MAP2K1: variants seen among roughly 807,000 people sequenced by gnomAD.
MAP2K1 encodes dual specificity mitogen-activated protein kinase kinase 1.
MAP2K1 carries 16 observed loss-of-function variants against 46.3 expected under a neutral mutation model. The ratio of observed to expected loss-of-function variants is 0.35; its 90% CI spans 0.23 to 0.52. MAP2K1 has a LOEUF of 0.52. Ranked by LOEUF, MAP2K1 falls within the 20% of genes least tolerant of loss-of-function variation. The probability of loss-of-function intolerance (pLI) is 0.94; values close to 1 mark genes in which losing one functional copy is unlikely to be tolerated. For missense variants in MAP2K1, 263 were observed against 497.1 expected (o/e 0.53, Z 4.48); for synonymous variants, 183 against 185.6 (o/e 0.99, Z 0.11).
At chr15:66,444,537 G>A (rs547497748) in intron 4 of MAP2K1, 119 bp from the exon 5 acceptor site, 1 of 804,378 alleles carries the variant, frequency 1.2e-6, no homozygotes, top group East Asian at 2.6e-5. Context: ...GCGTCTCAAA[G>A]GAGGAAGGCA....
At chr15:66,400,830 G>A (rs532459952) in intron 1 of MAP2K1, among the ~76,000 whole-genome samples, 21 of 152,332 alleles carry the variant, frequency 1.4e-4, no homozygotes, top group Admixed American at 5.9e-4. Flanking sequence ...CAGGAAGGGA[G>A]TCAGGTTAAG....
intron 1 of MAP2K1, among the ~76,000 whole-genome samples, chr15:66,417,417 C>G (rs148710961): frequency 9.9e-5 from 15 of 152,086 alleles, no homozygotes; most frequent in African/African-American, 3.6e-4. Context: ...CAGAAAATTA[C>G]AAAAATTAGC....
intron 3 of MAP2K1, among the ~76,000 whole-genome samples, chr15:66,442,843 T>G (rs1470649316): frequency 1.3e-5 from 2 of 152,210 alleles, no homozygotes; most frequent in African/African-American, 4.8e-5. Flanking sequence ...TGATCCTATC[T>G]TTGAGTTCGA....
intron 1 of MAP2K1, among the ~76,000 whole-genome samples, chr15:66,420,632 A>T (rs113681746): frequency 5.9e-4 from 88 of 149,012 alleles, no homozygotes; most frequent in Middle Eastern, 3.4e-3. Flanking sequence ...TTTATTTTTC[A>T]AAATAAATTT....
chr15:66,395,948 C>G (rs2093366530), intron 1 of MAP2K1, among the ~76,000 whole-genome samples: 1 of 152,092 alleles, frequency 6.6e-6, no homozygotes, highest in Admixed American at 6.6e-5. Flanking sequence ...GTCTTGTGTA[C>G]TGGTATTTCT....
At chr15:66,480,554 A>C (rs1474326756) in intron 5 of MAP2K1, among the ~76,000 whole-genome samples, 1 of 152,166 alleles carries the variant, frequency 6.6e-6, no homozygotes, top group Non-Finnish European at 1.5e-5. Context: ...TGGGCAATGT[A>C]GTGAGACTCT....
intron 1 of MAP2K1, among the ~76,000 whole-genome samples, chr15:66,397,562 G>A (rs1042949329): frequency 2.6e-5 from 4 of 152,182 alleles, no homozygotes; most frequent in African/African-American, 9.7e-5. Context: ...CTTCTTAGAA[G>A]GCTGAATGGT....
intron 5 of MAP2K1, among the ~76,000 whole-genome samples, chr15:66,469,923 G>GT (rs1372996103): frequency 6.6e-6 from 1 of 151,210 alleles, no homozygotes; most frequent in Non-Finnish European, 1.5e-5. Context: ...AGAACCTTAT[G>GT]TATGGAACTG....
At chr15:66,467,138 G>A (rs1892488245) in intron 5 of MAP2K1, among the ~76,000 whole-genome samples, 5 of 152,016 alleles carry the variant, frequency 3.3e-5, no homozygotes, top group Admixed American at 3.3e-4. Flanking sequence ...AGAGGCTGAG[G>A]TAGGAGAATC....
chr15:66,438,316 T>G (rs1405118904), intron 3 of MAP2K1, among the ~76,000 whole-genome samples: 3 of 152,134 alleles, frequency 2.0e-5, no homozygotes, highest in African/African-American at 7.2e-5. Context: ...CTCGAACTCC[T>G]GACCTCATGA....
rs112508984 is a variant in MAP2K1, at chr15:66,429,518, T to C, written c.81-5509T>C. Among the ~76,000 whole-genome samples, 608 of 152,270 alleles carry C rather than the reference T, an allele frequency of 4.0e-3. 4 individuals carry two copies. Among genetic ancestry groups the C allele is most frequent in the Middle Eastern group, 0.01 (3 of 294 alleles). Reference sequence around the variant, plus strand: ...CCTGGCTTCTTTCACAGAGCACATATACACATTCCTAGAATTTGATTTCCT... The same window carrying C: ...CCTGGCTTCTTTCACAGAGCACATACACACATTCCTAGAATTTGATTTCCT... On this transcript the variant is annotated intron_variant, in intron 1 of 10. Coordinates refer to ENST00000307102, the MANE Select transcript of MAP2K1 (RefSeq NM_002755.4).
rs750310037 is a variant in MAP2K1, at chr15:66,456,826, A to C, written c.568+12119A>C. ...CTAGCAGAAACAGTTGATGCTGGGG[A>C]GGAGTGTATCCCAAATGAAAAGGAG... On this transcript the variant is annotated intron_variant, in intron 5 of 10. Coordinates refer to ENST00000307102, the MANE Select transcript of MAP2K1 (RefSeq NM_002755.4). Among the ~76,000 whole-genome samples, 5 of 152,352 alleles carry C rather than the reference A, an allele frequency of 3.3e-5. No individual in the cohort carries two copies. In the East Asian group the frequency reaches 5.8e-4, roughly 18 times the overall value.
rs1038788277 is a variant in MAP2K1 at position 66,490,908 on chromosome 15, G to A, written c.*293G>A. 1 of 496,964 alleles carries A rather than the reference G, an allele frequency of 2.0e-6. No individual in the cohort carries two copies. Among genetic ancestry groups the A allele is most frequent in the Non-Finnish European group, 3.7e-6 (1 of 270,330 alleles). The allele number at this position is 496,964 out of a possible 1,614,324, so 30.8% of individuals were successfully genotyped here. A position where few individuals can be genotyped will look rare whatever the true frequency, so the allele number is the denominator to read the frequency against. On this transcript the variant is annotated 3_prime_UTR_variant, in exon 11 of 11. Transcript: ENST00000307102. ...ATTACAGTGAAATTTTGGTGAATGT[G>A]GGTAGTCATTCTTACAATTGCACTG...
chr15:66,452,297 A>AAG (rs1555417514), intron 5 of MAP2K1, among the ~76,000 whole-genome samples: 3 of 36,310 alleles, frequency 8.3e-5, no homozygotes, highest in Non-Finnish European at 1.1e-4. Context: ...TAAAAAAAAA[A>AAG]AAAAAAGAAA....
In MAP2K1 at chr15:66,491,121, TTTA is replaced by T. The variant is rs1219938891; in HGVS notation, c.*518_*520del. 4.5e-5 allele frequency: 13 copies of T among 290,596 alleles called. No homozygotes were observed. Among genetic ancestry groups the T allele is most frequent in the East Asian group, 2.6e-4 (5 of 19,128 alleles). The allele number at this position is 290,596 out of a possible 1,614,324, so 18.0% of individuals were successfully genotyped here. On this transcript the variant is annotated 3_prime_UTR_variant, in exon 11 of 11. Transcript: ENST00000307102. ...CATCAGAGAGTGTACATCATGTTAT[TTTA>T]TTATTATTATTTGCTTTTCATGTAG...
chr15:66,428,075 C>G (rs556355836), intron 1 of MAP2K1, among the ~76,000 whole-genome samples: 72 of 152,178 alleles, frequency 4.7e-4, no homozygotes, highest in Admixed American at 2.5e-3. Flanking sequence ...GGCTTCATAC[C>G]CAGATAGCCT....
At chr15:66,443,082 ATTT>A in intron 3 of MAP2K1, among the ~76,000 whole-genome samples, 195 bp from the exon 4 acceptor site, 1 of 91,062 alleles carries the variant, frequency 1.1e-5, no homozygotes, top group South Asian at 4.0e-4. Flanking sequence ...TTGTGTGTGT[ATTT>A]TTTTTTTTTT....
chr15:66,477,442 T>C (rs1892779455), intron 5 of MAP2K1, among the ~76,000 whole-genome samples: 1 of 152,184 alleles, frequency 6.6e-6, no homozygotes, highest in Admixed American at 6.5e-5. Flanking sequence ...GAAGCAATCA[T>C]TGTCTATTCC....
chr15:66,424,319 A>G (rs2093451542), intron 1 of MAP2K1, among the ~76,000 whole-genome samples: 1 of 152,152 alleles, frequency 6.6e-6, no homozygotes, highest in South Asian at 2.1e-4. Context: ...CGGCCTCCCA[A>G]AGTGCTGGGA....
Sources: allele counts gnomAD v4.1 joint callset (sites outside exome capture counted in the v4.1 genomes callset), GRCh38; gene constraint gnomAD v4.1.1; transcripts MANE v1.5; gene names NCBI Gene and HGNC (gene_info 2026-07-23, HGNC 2026-07-21).